Variants in CDRT4 observed in about 807,000 individuals in gnomAD.
CDRT4 encodes CMT1A duplicated region transcript 4, also known as CMT1A duplicated region transcript 4 protein.
For missense variants in CDRT4, 167 were observed against 193.1 expected, an observed-to-expected ratio of 0.87 and a Z score of 0.80; for synonymous variants, 64 against 69.6, an observed-to-expected ratio of 0.92 and a Z score of 0.40.
chr17:15,438,245 C>A (rs1355404713), intron 3 of CDRT4, 45 bp from the exon 4 acceptor site: 1 of 1,571,620 alleles, frequency 6.4e-7, no homozygotes, highest in South Asian at 1.2e-5. Flanking sequence ...CAGTCACATG[C>A]AATAGCTTGA....
At chr17:15,444,467 T>G (rs1380345197) in intron 2 of CDRT4, among the ~76,000 whole-genome samples, 1 of 152,194 alleles carries the variant, frequency 6.6e-6, no homozygotes, top group Non-Finnish European at 1.5e-5. Context: ...CCCAGACAAT[T>G]TCTCTGTGCA....
rs199557231 is a variant in CDRT4 at position 15,437,752 on chromosome 17, T to C, written c.*21A>G. The C allele has an allele frequency of 5.6e-6, 9 of 1,606,554 alleles. No individual in the cohort carries two copies. In the East Asian group the frequency reaches 1.8e-4, roughly 32 times the overall value. ...CTGCAGGGACCCCTGGCTAAAACAT[T>C]TGCATGTTTCTCCTTGTTGGTCAGT... On this transcript the variant is annotated 3_prime_UTR_variant, in exon 4 of 4. Transcript: ENST00000619038.
intron 3 of CDRT4, 135 bp from the exon 4 acceptor site, chr17:15,438,335 A>C (rs1229701076): frequency 2.7e-6 from 2 of 748,766 alleles, no homozygotes; most frequent in Middle Eastern, 3.9e-4. Context: ...AGTAGGAATA[A>C]AATCCAATTC....
chr17:15,462,295 G>A (rs1004421679), intron 1 of CDRT4, among the ~76,000 whole-genome samples: 1 of 151,938 alleles, frequency 6.6e-6, no homozygotes, highest in Non-Finnish European at 1.5e-5. Flanking sequence ...AGCCGTGGTG[G>A]CGGGCACCTG....
intron 1 of CDRT4, among the ~76,000 whole-genome samples, chr17:15,456,473 A>G (rs1979486893): frequency 6.6e-6 from 1 of 152,080 alleles, no homozygotes; most frequent in Non-Finnish European, 1.5e-5. Flanking sequence ...AGGTTCTGTC[A>G]TAGGACTATT....
rs576537304 is a variant in CDRT4, at chr17:15,453,063, G to C, written c.-107C>G. ...TGAAAACTCTCTCTTAAAGTTCCTG[G>C]TGCAGCTCATTTCACTGGGTTCCTG... On this transcript the variant is annotated 5_prime_UTR_variant, in exon 2 of 4. Transcript: ENST00000619038. 6.6e-6 allele frequency: 1 copy of C among 152,262 alleles called. No homozygotes were observed. The highest frequency in any genetic ancestry group is 1.9e-4 in the East Asian group (1 of 5,184). The allele number at this position is 152,262 out of a possible 1,614,324, so 9.4% of individuals were successfully genotyped here.
At chr17:15,446,358 G>A (rs896782369) in intron 2 of CDRT4, among the ~76,000 whole-genome samples, 5 of 151,986 alleles carry the variant, frequency 3.3e-5, no homozygotes, top group Admixed American at 2.0e-4. Context: ...TGGGTTCTGC[G>A]GGGTGCACAC....
chr17:15,438,799 C>T (rs2150783837), intron 3 of CDRT4, among the ~76,000 whole-genome samples: 1 of 152,310 alleles, frequency 6.6e-6, no homozygotes, highest in African/African-American at 2.4e-5. Context: ...TGTCTCCCAG[C>T]CTAAACTCTT....
chr17:15,447,090 C>A (rs189663647), intron 2 of CDRT4, among the ~76,000 whole-genome samples: 121 of 152,298 alleles, frequency 7.9e-4, no homozygotes, highest in African/African-American at 2.6e-3. Context: ...GTCCGCAATC[C>A]AGGTTTCCCG....
At chr17:15,456,598 G>A (rs928788104) in intron 1 of CDRT4, among the ~76,000 whole-genome samples, 46 of 127,894 alleles carry the variant, frequency 3.6e-4, no homozygotes, top group South Asian at 3.2e-3. Flanking sequence ...ACACACACAC[G>A]GCTCAGGAGT....
At chr17:15,459,361 C>A (rs1432289705) in intron 1 of CDRT4, among the ~76,000 whole-genome samples, 2 of 152,020 alleles carry the variant, frequency 1.3e-5, no homozygotes, top group Non-Finnish European at 2.9e-5. Context: ...CCCCTCCCCA[C>A]ACTGTTCTCT....
chr17:15,463,398 C>T (rs1548678), intron 1 of CDRT4, among the ~76,000 whole-genome samples: 36,257 of 152,110 alleles, frequency 0.24, 5,023 homozygotes, highest in South Asian at 0.33. Context: ...AAGTAAGTGT[C>T]TAAAACCAGA....
At chr17:15,440,154 A>G in intron 3 of CDRT4, 54 bp downstream of exon 3, 1 of 1,583,880 alleles carries the variant, frequency 6.3e-7, no homozygotes, top group Non-Finnish European at 8.6e-7. Context: ...CGAATCCTCC[A>G]ACCCTAGACG....
chr17:15,452,262 T>G (rs990034825), intron 2 of CDRT4, among the ~76,000 whole-genome samples: 1 of 152,196 alleles, frequency 6.6e-6, no homozygotes, highest in South Asian at 2.1e-4. Context: ...CTTAAAGTTT[T>G]CCCCCATCCA....
Position 15,436,114 on chromosome 17 carries a change from T to C in CDRT4, c.*1659A>G, listed in dbSNP as rs910323530. On this transcript the variant is annotated 3_prime_UTR_variant, in exon 4 of 4. Coordinates refer to ENST00000619038, the MANE Select transcript of CDRT4 (RefSeq NM_001204477.2). ...TCAAATTCCCTGGAAACCACCTATA[T>C]TTTTCGAAGAATTCATTCTGGCCAA... The C allele has an allele frequency of 2.6e-5, 4 of 152,318 alleles. No individual in the cohort carries two copies. In the South Asian group the frequency reaches 6.2e-4, roughly 24 times the overall value. The allele number at this position is 152,318 out of a possible 1,614,324, so 9.4% of individuals were successfully genotyped here. A position where few individuals can be genotyped will look rare whatever the true frequency, so the allele number is the denominator to read the frequency against.
Position 15,454,768 on chromosome 17 carries a change from G to A in CDRT4, c.-129-1683C>T, listed in dbSNP as rs539011015. On this transcript the variant is annotated intron_variant, in intron 1 of 3. Coordinates refer to ENST00000619038, the MANE Select transcript of CDRT4 (RefSeq NM_001204477.2). Reference sequence around the variant, plus strand: ...AGAATTTGGAGGTAGGAGAACTCACGTTGAAACCCACCTTCACCTCGGTAT... The same window carrying A: ...AGAATTTGGAGGTAGGAGAACTCACATTGAAACCCACCTTCACCTCGGTAT... Among the ~76,000 whole-genome samples, 9 of 152,160 alleles carry A rather than the reference G, an allele frequency of 5.9e-5. No homozygotes were observed. The South Asian group carries it at 6.2e-4, about 11-fold the overall frequency.
chr17:15,465,412 ACACC>A (rs1419220730), intron 1 of CDRT4, among the ~76,000 whole-genome samples: 2 of 151,198 alleles, frequency 1.3e-5, no homozygotes, highest in South Asian at 2.1e-4. Flanking sequence ...CACACAACAC[ACACC>A]AACACAGACA....
intron 1 of CDRT4, among the ~76,000 whole-genome samples, chr17:15,457,532 A>T (rs1247766252): frequency 3.3e-5 from 5 of 152,210 alleles, no homozygotes; most frequent in African/African-American, 1.2e-4. Flanking sequence ...CCCTGCTTTC[A>T]TTCTCTTGCC....
chr17:15,460,639 C>T (rs758621876), intron 1 of CDRT4, among the ~76,000 whole-genome samples: 8 of 147,232 alleles, frequency 5.4e-5, no homozygotes, highest in Non-Finnish European at 1.0e-4. Flanking sequence ...CGCCTGGTTG[C>T]CCCCACAGCC....
Sources: allele counts gnomAD v4.1 joint callset (sites outside exome capture counted in the v4.1 genomes callset), GRCh38; gene constraint gnomAD v4.1.1; transcripts MANE v1.5; gene names NCBI Gene and HGNC (gene_info 2026-07-23, HGNC 2026-07-21).